The following SLAIN2 variants were observed in gnomAD, a reference collection of about 807,000 sequenced individuals.
SLAIN2 encodes the protein SLAIN family member 2.
SLAIN2 carries 31 observed loss-of-function variants against 56.6 expected under a neutral mutation model. The observed-to-expected ratio is 0.55, with a 90% CI of 0.41 to 0.74. SLAIN2 has a LOEUF of 0.74. Ranked by LOEUF, SLAIN2 falls within the 30% of genes least tolerant of loss-of-function variation. The pLI is 0.00. For synonymous variants in SLAIN2, 317 were observed against 284.9 expected, an observed-to-expected ratio of 1.11 and a Z score of -1.13; for missense variants, 777 against 754.2, an observed-to-expected ratio of 1.03 and a Z score of -0.35.
In SLAIN2 at chr4:48,375,708, G is replaced by T. The variant is rs568550644; in HGVS notation, c.539-2188G>T. On this transcript the variant is annotated intron_variant, in intron 2 of 7. Transcript: ENST00000264313. Reference sequence around the variant, plus strand: ...CTAACTAGGTTTCAGACTTCTGAGCGTAGTGTCTCAGGCCTTCCATGACCT... The same window carrying T: ...CTAACTAGGTTTCAGACTTCTGAGCTTAGTGTCTCAGGCCTTCCATGACCT... Among the ~76,000 whole-genome samples the T allele has an allele frequency of 2.0e-5, 3 of 152,296 alleles. No individual in the cohort carries two copies. In the East Asian group the frequency reaches 5.8e-4, roughly 29 times the overall value.
intron 6 of SLAIN2, among the ~76,000 whole-genome samples, chr4:48,396,752 A>G (rs1222872767): frequency 2.6e-5 from 4 of 152,154 alleles, no homozygotes; most frequent in Non-Finnish European, 4.4e-5. Context: ...CTAGAAAGCT[A>G]ATATATCGTA....
intron 6 of SLAIN2, among the ~76,000 whole-genome samples, chr4:48,402,114 T>G (rs530372056): frequency 6.6e-6 from 1 of 152,178 alleles, no homozygotes; most frequent in Non-Finnish European, 1.5e-5. Context: ...TCTTCTGGCT[T>G]TGTAGTGTTT....
rs771852331 is a variant in SLAIN2, at chr4:48,420,099, ATTGGTTTTT to A, written c.1361-25_1361-17del. On this transcript the variant is annotated splice_polypyrimidine_tract_variant and intron_variant, in intron 6 of 7. Transcript: ENST00000264313. Reference sequence around the variant, plus strand: ...CATATATACAGATTTCCACTCAAAAATTGGTTTTTCTTTGCCATCCCACAGTACCTTCTC... The same window carrying A: ...CATATATACAGATTTCCACTCAAAAACTTTGCCATCCCACAGTACCTTCTC... 1 of 1,609,036 alleles carries A rather than the reference ATTGGTTTTT, an allele frequency of 6.2e-7. No individual in the cohort carries two copies.
intron 6 of SLAIN2, among the ~76,000 whole-genome samples, chr4:48,403,441 G>C (rs995255794): frequency 1.6e-4 from 24 of 152,214 alleles, no homozygotes; most frequent in African/African-American, 5.5e-4. Context: ...CCAGTGAGGA[G>C]GGATGGATCA....
chr4:48,344,973 A>G (rs1464003232), intron 1 of SLAIN2, among the ~76,000 whole-genome samples: 1 of 152,216 alleles, frequency 6.6e-6, no homozygotes, highest in African/African-American at 2.4e-5. Context: ...GATGAGAACT[A>G]ACTTCGTTGT....
chr4:48,402,067 C>A (rs1716569293), intron 6 of SLAIN2, among the ~76,000 whole-genome samples: 2 of 152,154 alleles, frequency 1.3e-5, no homozygotes, highest in East Asian at 3.9e-4. Flanking sequence ...GTTAGAAATT[C>A]TTTTCTTAAG....
chr4:48,371,969 T>C (rs1715676249), intron 2 of SLAIN2, among the ~76,000 whole-genome samples: 1 of 61,084 alleles, frequency 1.6e-5, no homozygotes, highest in African/African-American at 1.0e-4. Flanking sequence ...ACAAAAAGTA[T>C]ATACACACAC....
intron 1 of SLAIN2, among the ~76,000 whole-genome samples, chr4:48,350,422 T>C (rs1714980695): frequency 6.6e-6 from 1 of 152,240 alleles, no homozygotes; most frequent in South Asian, 2.1e-4. Flanking sequence ...TTGACATTAT[T>C]TTTTAAAATG....
At chr4:48,372,422 A>C (rs1472713255) in intron 2 of SLAIN2, among the ~76,000 whole-genome samples, 1 of 152,220 alleles carries the variant, frequency 6.6e-6, no homozygotes, top group Non-Finnish European at 1.5e-5. Context: ...AGCCATAGAC[A>C]ATACATAAAT....
At chr4:48,359,560 T>TA (rs1226270020) in intron 1 of SLAIN2, among the ~76,000 whole-genome samples, 5 of 152,166 alleles carry the variant, frequency 3.3e-5, no homozygotes, top group Non-Finnish European at 7.3e-5. Context: ...TGTGAAGAAA[T>TA]ATATTAACAA....
chr4:48,404,827 C>T (rs541422157), intron 6 of SLAIN2, among the ~76,000 whole-genome samples: 3 of 152,292 alleles, frequency 2.0e-5, no homozygotes, highest in Admixed American at 2.0e-4. Context: ...CAATCAACCT[C>T]ATTATATTTT....
intron 6 of SLAIN2, among the ~76,000 whole-genome samples, chr4:48,389,175 TTAAG>T (rs1716171403): frequency 1.3e-5 from 2 of 152,262 alleles, no homozygotes; most frequent in South Asian, 4.1e-4. Context: ...GAACATCTAT[TTAAG>T]TAGTACAGTG....
chr4:48,382,126 G>T (rs1202598307), intron 4 of SLAIN2, among the ~76,000 whole-genome samples: 2 of 152,138 alleles, frequency 1.3e-5, no homozygotes, highest in African/African-American at 4.8e-5. Flanking sequence ...TCATCTTCAT[G>T]AGTAAGATTA....
chr4:48,412,782 A>C (rs544998639), intron 6 of SLAIN2, among the ~76,000 whole-genome samples: 10 of 152,228 alleles, frequency 6.6e-5, no homozygotes, highest in African/African-American at 9.6e-5. Context: ...TAATGGAAGA[A>C]GAAATCAAAG....
At chr4:48,383,931 C>G in intron 6 of SLAIN2, 147 bp downstream of exon 6, 1 of 773,966 alleles carries the variant, frequency 1.3e-6, no homozygotes, top group Admixed American at 3.1e-5. Context: ...TTATTAGTTG[C>G]TGGATGATAA....
intron 2 of SLAIN2, among the ~76,000 whole-genome samples, 164 bp downstream of exon 2, chr4:48,370,161 C>T (rs1261086292): frequency 6.6e-6 from 1 of 152,178 alleles, no homozygotes; most frequent in East Asian, 1.9e-4. Context: ...TAACCCTGTT[C>T]TATCATTTAC....
At chr4:48,420,560 C>G (rs1717121777) in intron 7 of SLAIN2, 117 bp downstream of exon 7, 2 of 1,187,398 alleles carry the variant, frequency 1.7e-6, no homozygotes, top group Non-Finnish European at 2.4e-6. Flanking sequence ...GGATTCCCAC[C>G]AGAGTTTTAG....
intron 1 of SLAIN2, among the ~76,000 whole-genome samples, chr4:48,350,448 A>G (rs2109734897): frequency 6.6e-6 from 1 of 152,342 alleles, no homozygotes; most frequent in South Asian, 2.1e-4. Context: ...TTGGGCAGTA[A>G]ATAGCAGAAT....
chr4:48,400,038 T>A (rs1235792153), intron 6 of SLAIN2, among the ~76,000 whole-genome samples: 2 of 152,118 alleles, frequency 1.3e-5, no homozygotes, highest in Non-Finnish European at 1.5e-5. Flanking sequence ...GAGAGGAGTC[T>A]CTCCTTTTCA....
Sources: allele counts gnomAD v4.1 joint callset (sites outside exome capture counted in the v4.1 genomes callset), GRCh38; gene constraint gnomAD v4.1.1; transcripts MANE v1.5; gene names NCBI Gene and HGNC (gene_info 2026-07-23, HGNC 2026-07-21).